CADPS: variants seen among roughly 807,000 people sequenced by gnomAD.
CADPS encodes the protein calcium dependent secretion activator, also known as calcium-dependent secretion activator 1.
In CADPS, 57 loss-of-function variants were observed where a neutral mutation model predicts 167.3. The observed-to-expected ratio is 0.34, with a 90% CI of 0.28 to 0.42. CADPS has a LOEUF of 0.42. Among genes scored for constraint, CADPS ranks in the 20% least tolerant of loss-of-function variants. The pLI is 1.00. For synonymous variants in CADPS, 676 were observed against 635.3 expected (o/e 1.06, Z -0.96); for missense variants, 1,414 against 1,738.1 (o/e 0.81, Z 3.32).
intron 3 of CADPS, among the ~76,000 whole-genome samples, chr3:62,739,030 T>C (rs1458879087): frequency 6.6e-6 from 1 of 152,328 alleles, no homozygotes; most frequent in East Asian, 1.9e-4. Flanking sequence ...CCTTTTGCAA[T>C]ATGAATTTAT....
chr3:62,506,461 TAAAG>T (rs1359098654), intron 17 of CADPS, among the ~76,000 whole-genome samples: 1 of 152,204 alleles, frequency 6.6e-6, no homozygotes, highest in Non-Finnish European at 1.5e-5. Context: ...TAATTTAAAT[TAAAG>T]AAAGAAATAT....
At chr3:62,402,090 C>T (rs1463733156) in intron 29 of CADPS, among the ~76,000 whole-genome samples, 1 of 152,142 alleles carries the variant, frequency 6.6e-6, no homozygotes, top group Non-Finnish European at 1.5e-5. Context: ...TGTCTATAAC[C>T]TTTCCCGGGT....
At chr3:62,831,239 C>T (rs1002485700) in intron 1 of CADPS, among the ~76,000 whole-genome samples, 3 of 152,166 alleles carry the variant, frequency 2.0e-5, no homozygotes, top group African/African-American at 4.8e-5. Context: ...CATGAAAACT[C>T]TTCGAAGTAA....
Position 62,777,465 on chromosome 3 carries a change from A to T in CADPS, c.442-11481T>A, listed in dbSNP as rs558079080. 4.7e-3 allele frequency among the ~76,000 whole-genome samples: 718 copies of T among 152,300 alleles called. 7 individuals are homozygous for T. Among genetic ancestry groups the T allele is most frequent in the Non-Finnish European group, 8.7e-3 (593 of 68,034 alleles). On this transcript the variant is annotated intron_variant, in intron 1 of 29. Coordinates refer to ENST00000383710, the MANE Select transcript of CADPS (RefSeq NM_003716.4). ...GGATCCAGAATAGCAGAGAGAAAAA[A>T]CAGGACAAAGAGTGAAGGTGATCTG...
At chr3:62,462,542 G>A (rs1343270846) in intron 26 of CADPS, among the ~76,000 whole-genome samples, 1 of 152,238 alleles carries the variant, frequency 6.6e-6, no homozygotes, top group African/African-American at 2.4e-5. Flanking sequence ...CAGCTTTCTG[G>A]GGGGCAGAGC....
At chr3:62,725,520 A>G (rs1036623264) in intron 3 of CADPS, among the ~76,000 whole-genome samples, 18 of 152,192 alleles carry the variant, frequency 1.2e-4, no homozygotes, top group Non-Finnish European at 1.9e-4. Context: ...TGTGATTGTG[A>G]ACAGTTTATT....
At chr3:62,825,102 C>T (rs1197342368) in intron 1 of CADPS, among the ~76,000 whole-genome samples, 2 of 152,166 alleles carry the variant, frequency 1.3e-5, no homozygotes, top group African/African-American at 4.8e-5. Flanking sequence ...GATAATTTCA[C>T]AGCCTTTTGT....
At chr3:62,754,191 T>C (rs1191621532) in intron 2 of CADPS, among the ~76,000 whole-genome samples, 1 of 152,148 alleles carries the variant, frequency 6.6e-6, no homozygotes, top group Non-Finnish European at 1.5e-5. Flanking sequence ...TTTAATTTCT[T>C]TTTGAGATAG....
At chr3:62,723,999 T>A (rs12106963) in intron 3 of CADPS, among the ~76,000 whole-genome samples, 17,931 of 152,214 alleles carry the variant, frequency 0.12, 1,156 homozygotes, top group African/African-American at 0.17. Flanking sequence ...CACTTCTGTG[T>A]CCAAGGGAGC....
intron 1 of CADPS, among the ~76,000 whole-genome samples, chr3:62,843,492 G>GGTGTGTGTGTGTGTGTGTGTGTGTGT (rs150223612): frequency 8.7e-5 from 13 of 149,112 alleles, no homozygotes; most frequent in South Asian, 4.3e-4. Flanking sequence ...TGGCAGTTGG[G>GGTGTGTGTGTGTGTGTGTGTGTGTGT]GTGTGTGTGT....
intron 3 of CADPS, among the ~76,000 whole-genome samples, chr3:62,716,920 C>T (rs555460837): frequency 2.0e-4 from 31 of 152,186 alleles, no homozygotes; most frequent in African/African-American, 3.4e-4. Flanking sequence ...ATAAGATCAA[C>T]GTTAGGAAGG....
intron 1 of CADPS, among the ~76,000 whole-genome samples, chr3:62,800,192 A>G (rs1259282176): frequency 6.6e-6 from 1 of 152,144 alleles, no homozygotes; most frequent in Non-Finnish European, 1.5e-5. Flanking sequence ...GTCCTTTGTC[A>G]CTTTCACAGG....
At chr3:62,755,137 T>G (rs1284266220) in intron 2 of CADPS, among the ~76,000 whole-genome samples, 1 of 152,146 alleles carries the variant, frequency 6.6e-6, no homozygotes, top group East Asian at 1.9e-4. Flanking sequence ...TTTTGGTAGC[T>G]CAAATTGTCT....
chr3:62,414,028 C>T (rs1014256585), intron 28 of CADPS, among the ~76,000 whole-genome samples: 2 of 152,234 alleles, frequency 1.3e-5, no homozygotes, highest in African/African-American at 2.4e-5. Context: ...GTAGCATTTG[C>T]TCAGTCATTT....
chr3:62,483,350 G>T (rs1446953284), intron 21 of CADPS, among the ~76,000 whole-genome samples: 53 of 122,580 alleles, frequency 4.3e-4, no homozygotes, highest in African/African-American at 1.5e-3. Context: ...GGGGGAGTTA[G>T]GGAAGGGGGA....
intron 1 of CADPS, among the ~76,000 whole-genome samples, chr3:62,781,237 G>A (rs921431911): frequency 6.6e-6 from 1 of 152,148 alleles, no homozygotes; most frequent in Non-Finnish European, 1.5e-5. Context: ...CTACCCTGAA[G>A]GCATACAGCA....
intron 28 of CADPS, among the ~76,000 whole-genome samples, chr3:62,414,382 C>A (rs1464496838): frequency 6.6e-6 from 1 of 152,178 alleles, no homozygotes; most frequent in Non-Finnish European, 1.5e-5. Context: ...GTTCAGGAAG[C>A]CCTTATTTTA....
chr3:62,679,787 T>C (rs2151001874), intron 3 of CADPS, among the ~76,000 whole-genome samples: 1 of 152,016 alleles, frequency 6.6e-6, no homozygotes, highest in African/African-American at 2.4e-5. Context: ...ACATTGTAAA[T>C]GAGACTGGGT....
intron 1 of CADPS, among the ~76,000 whole-genome samples, chr3:62,767,863 G>A (rs953536997): frequency 3.9e-5 from 6 of 152,054 alleles, no homozygotes; most frequent in African/African-American, 1.4e-4. Flanking sequence ...CCAAAATAAC[G>A]TTTCAACATG....
Sources: allele counts gnomAD v4.1 joint callset (sites outside exome capture counted in the v4.1 genomes callset), GRCh38; gene constraint gnomAD v4.1.1; transcripts MANE v1.5; gene names NCBI Gene and HGNC (gene_info 2026-07-23, HGNC 2026-07-21).